Variants in BLOC1S5 observed in about 807,000 individuals in gnomAD.
BLOC1S5 encodes biogenesis of lysosomal organelles complex 1 subunit 5.
Under a neutral mutation model 24.3 loss-of-function variants are expected in BLOC1S5, and 27 were observed. The observed-to-expected ratio is 1.11, with a 90% confidence interval of 0.82 to 1.53. The LOEUF is 1.53. BLOC1S5 is among the 40% of genes most tolerant of loss of function. The pLI, the probability that BLOC1S5 is intolerant of heterozygous loss-of-function variation, is 0.00. For synonymous variants in BLOC1S5, 84 were observed against 74.5 expected (o/e 1.13, Z -0.66); for missense variants, 239 against 229.4 (o/e 1.04, Z -0.27).
At chr6:8,038,706 G>T (rs978075998) in intron 3 of BLOC1S5, among the ~76,000 whole-genome samples, 3 of 152,214 alleles carry the variant, frequency 2.0e-5, no homozygotes, top group Non-Finnish European at 4.4e-5. Flanking sequence ...GGATGGTCTT[G>T]ATCTCCTGAC....
At chr6:8,026,576 G>A (rs1026807810) in intron 3 of BLOC1S5, 151 bp from the exon 4 acceptor site, 15 of 613,792 alleles carry the variant, frequency 2.4e-5, no homozygotes, top group Non-Finnish European at 3.9e-5. Context: ...GTGGTGGGAT[G>A]GCCAGAAGGG....
chr6:8,042,467 G>A (rs1204103723), intron 2 of BLOC1S5, among the ~76,000 whole-genome samples: 1 of 152,154 alleles, frequency 6.6e-6, no homozygotes, highest in Non-Finnish European at 1.5e-5. Flanking sequence ...TCCTCCGTTG[G>A]TATAAAACCC....
At chr6:8,038,437 AAATCAGAC>A (rs1201060660) in intron 3 of BLOC1S5, among the ~76,000 whole-genome samples, 9 of 152,234 alleles carry the variant, frequency 5.9e-5, no homozygotes, top group Admixed American at 3.3e-4. Context: ...AGAGAAATGC[AAATCAGAC>A]CACAATGAAA....
At chr6:8,061,271 C>A (rs1216582492) in intron 2 of BLOC1S5, among the ~76,000 whole-genome samples, 3 of 151,842 alleles carry the variant, frequency 2.0e-5, no homozygotes, top group Non-Finnish European at 4.4e-5. Context: ...AATAAAATAT[C>A]AAAAAGATAA....
At chr6:8,026,511 C>T (rs934509700) in intron 3 of BLOC1S5, 86 bp from the exon 4 acceptor site, 80 of 1,085,648 alleles carry the variant, frequency 7.4e-5, no homozygotes, top group South Asian at 6.7e-4. Context: ...GTGGAGAGTA[C>T]ATGAATTGTT....
At chr6:8,058,676 C>A (rs994114720) in intron 2 of BLOC1S5, among the ~76,000 whole-genome samples, 1 of 152,020 alleles carries the variant, frequency 6.6e-6, no homozygotes, top group Non-Finnish European at 1.5e-5. Context: ...GGTTACAGAG[C>A]GTGACCCTGT....
At chr6:8,027,325 G>A (rs1368368188) in intron 3 of BLOC1S5, 1 of 456,276 alleles carries the variant, frequency 2.2e-6, no homozygotes, top group African/African-American at 2.0e-5. Context: ...TTTGACAAAT[G>A]TTTACTGAGC....
intron 2 of BLOC1S5, among the ~76,000 whole-genome samples, chr6:8,045,788 G>A (rs549810778): frequency 4.8e-4 from 73 of 152,290 alleles, no homozygotes; most frequent in African/African-American, 1.2e-3. Context: ...CATTTGGAAC[G>A]GCTGTATTTA....
chr6:8,034,884 C>T (rs1316140470), intron 3 of BLOC1S5, among the ~76,000 whole-genome samples: 1 of 151,980 alleles, frequency 6.6e-6, no homozygotes, highest in Non-Finnish European at 1.5e-5. Flanking sequence ...AAATATGGAA[C>T]CAGCCCAAAT....
chr6:8,064,123 G>A (rs1327691822), intron 1 of BLOC1S5, 142 bp downstream of exon 1: 2 of 608,736 alleles, frequency 3.3e-6, no homozygotes, highest in Non-Finnish European at 2.7e-6. Context: ...GAAAAAGGCG[G>A]GGACCGACCA....
At chr6:8,034,757 A>G (rs1437938423) in intron 3 of BLOC1S5, among the ~76,000 whole-genome samples, 1 of 152,146 alleles carries the variant, frequency 6.6e-6, no homozygotes, top group Non-Finnish European at 1.5e-5. Context: ...CTAACAGTAG[A>G]TCTACCATTT....
chr6:8,055,606 G>A (rs60120239), intron 2 of BLOC1S5, among the ~76,000 whole-genome samples: 23,823 of 152,174 alleles, frequency 0.16, 1,943 homozygotes, highest in Admixed American at 0.19. Flanking sequence ...TAGAAGGGAG[G>A]GGTGGTGAGA....
intron 4 of BLOC1S5, among the ~76,000 whole-genome samples, chr6:8,020,041 C>T (rs1465764057): frequency 1.3e-5 from 2 of 152,218 alleles, no homozygotes; most frequent in African/African-American, 2.4e-5. Context: ...TCCCTAATGA[C>T]ATCACCATAT....
chr6:8,018,183 C>T (rs1464621530), intron 4 of BLOC1S5: 1 of 152,142 alleles, frequency 6.6e-6, no homozygotes, highest in Non-Finnish European at 1.5e-5. Flanking sequence ...AAATCCAATG[C>T]GTTACTTTTT....
intron 3 of BLOC1S5, among the ~76,000 whole-genome samples, chr6:8,040,549 A>G (rs1036007606): frequency 3.3e-5 from 5 of 152,234 alleles, no homozygotes; most frequent in South Asian, 2.1e-4. Context: ...AAATAGGAAC[A>G]CAGATTGTAG....
chr6:8,038,929 T>C (rs1289339027), intron 3 of BLOC1S5, among the ~76,000 whole-genome samples: 60 of 152,100 alleles, frequency 3.9e-4, no homozygotes, highest in Non-Finnish European at 1.5e-5. Flanking sequence ...AAACTAAAAA[T>C]AGAACTACCA....
chr6:8,040,985 T>G (rs1206536250), intron 3 of BLOC1S5, among the ~76,000 whole-genome samples, 154 bp downstream of exon 3: 1 of 152,214 alleles, frequency 6.6e-6, no homozygotes, highest in Admixed American at 6.5e-5. Flanking sequence ...GGAGATTAAT[T>G]AATGGCAACA....
chr6:8,037,925 T>C (rs1763542720), intron 3 of BLOC1S5, among the ~76,000 whole-genome samples: 1 of 152,082 alleles, frequency 6.6e-6, no homozygotes. Flanking sequence ...GATATCAGTA[T>C]GACTGGGAAA....
At chr6:8,049,200 A>G (rs568680936) in intron 2 of BLOC1S5, among the ~76,000 whole-genome samples, 1 of 151,794 alleles carries the variant, frequency 6.6e-6, no homozygotes, top group Non-Finnish European at 1.5e-5. Flanking sequence ...GTGAAACCCC[A>G]TCTCTACTAA....
Sources: allele counts gnomAD v4.1 joint callset (sites outside exome capture counted in the v4.1 genomes callset), GRCh38; gene constraint gnomAD v4.1.1; transcripts MANE v1.5; gene names NCBI Gene and HGNC (gene_info 2026-07-23, HGNC 2026-07-21).